Variants in BRPF1 observed in about 807,000 individuals in gnomAD.
The protein encoded by BRPF1 is peregrin.
In BRPF1, 15 loss-of-function variants were observed where a neutral mutation model predicts 115.0. That is an observed-to-expected ratio of 0.13 (90% CI 0.09 to 0.20). BRPF1 has a LOEUF of 0.20. Among genes scored for constraint, BRPF1 ranks in the 10% least tolerant of loss-of-function variants. The pLI is 1.00. For missense variants in BRPF1, 1,118 were observed against 1,638.3 expected, an observed-to-expected ratio of 0.68 and a Z score of 5.48; for synonymous variants, 647 against 619.8, an observed-to-expected ratio of 1.04 and a Z score of -0.65.
Position 9,747,627 on chromosome 3 carries a change from C to CA in BRPF1, c.*281dup, listed in dbSNP as rs765886381. 5 of 343,566 alleles carry CA rather than the reference C, an allele frequency of 1.5e-5. No homozygotes were observed. Among genetic ancestry groups the CA allele is most frequent in the African/African-American group, 1.0e-4 (5 of 49,682 alleles). The allele number at this position is 343,566 out of a possible 1,614,324, so 21.3% of individuals were successfully genotyped here. ...AGCATTGTAGGGCGGGGTGGTGGGC[C>CA]AAAGTTAGGACACTGCGTAAAACAG... On this transcript the variant is annotated 3_prime_UTR_variant, in exon 14 of 14. Coordinates refer to ENST00000383829, the MANE Select transcript of BRPF1 (RefSeq NM_001003694.2). This position sits in a 1 kb window ranked among gnomAD's most constrained non-coding sequence, Gnocchi z 5.6.
Position 9,746,409 on chromosome 3 carries a change from G to A in BRPF1, c.3434G>A (p.Arg1145Gln), listed in dbSNP as rs1171539795. 9 of 1,608,392 alleles carry A rather than the reference G, an allele frequency of 5.6e-6. No homozygotes were observed. Among genetic ancestry groups the A allele is most frequent in the East Asian group, 2.2e-5 (1 of 44,610 alleles). Residue 1145 changes from arginine (R) to glutamine (Q), a missense_variant, in exon 13 of 14, where the codon CGA becomes CAA. Around this residue, in one of 10 missense-constraint regions of BRPF1, gnomAD observed 76 missense variants for 166.1 expected, o/e 0.46. Coordinates refer to ENST00000383829, the MANE Select transcript of BRPF1 (RefSeq NM_001003694.2). ...GGGGAGCAGATGACCCAGGAAGCCC[G>A]AGAGCATCTCTACCTCGTCCTCTTC... is the stretch of plus-strand genomic sequence containing the variant. The part of the protein sequence containing the change: ...KLGEQMTQEA[R>Q]EHLYLVLFFD...
rs967765502 is a variant in BRPF1, at chr3:9,744,450, C to G, written c.2862C>G (p.Pro954=). 8 of 1,594,534 alleles carry G rather than the reference C, an allele frequency of 5.0e-6. No individual in the cohort carries two copies. Among genetic ancestry groups the G allele is most frequent in the Admixed American group, 1.8e-5 (1 of 55,864 alleles). Residue 954 remains proline, a synonymous_variant, in exon 9 of 14, where the codon CCC becomes CCG. Coordinates refer to ENST00000383829, the MANE Select transcript of BRPF1 (RefSeq NM_001003694.2). ...GTCAGCGCAAGCGGGGTAGGAGCCC[C>G]CGGCCCAGTTCGAGCTCAGACAGCG... ...SLRQRKRGRS[P]RPSSSSDSDS...
intron 6 of BRPF1, chr3:9,742,476 G>T: frequency 1.1e-5 from 11 of 985,408 alleles, no homozygotes; most frequent in Non-Finnish European, 1.2e-5. Flanking sequence ...ACTTTAGAAG[G>T]CTCAGCACCT....
intron 2 of BRPF1, among the ~76,000 whole-genome samples, chr3:9,735,698 T>C (rs2125493489): frequency 6.6e-6 from 1 of 152,280 alleles, no homozygotes; most frequent in Admixed American, 6.5e-5. Context: ...CCAGTGGCCC[T>C]TTTATTTTTG....
At position 9,747,327 on chromosome 3, in the gene BRPF1, G is replaced by A; in HGVS notation, c.3641G>A (p.Ser1214Asn). ...AGCAAGGTGCAAGGCGAGCAGAGCA[G>A]TGAGACCAGCGATAGTGATTGATAC... ...HRSKVQGEQS[S>N]ETSDSD The change falls in exon 14 of 14, where the codon AGT becomes AAT. Residue 1214 changes from serine to asparagine, a missense_variant. Physicochemically the swap from Ser to Asn is conservative, Grantham distance 46. Transcript: ENST00000383829. This position sits in a 1 kb window ranked among gnomAD's most constrained non-coding sequence, Gnocchi z 5.6. The A allele has an allele frequency of 1.9e-6, 3 of 1,614,146 alleles. No homozygotes were observed. The highest frequency in any genetic ancestry group is 2.5e-6 in the Non-Finnish European group (3 of 1,180,022).
Position 9,743,539 on chromosome 3 carries a change from G to C in BRPF1, c.2312-39G>C. ...CCAGGTTCAAGGGGCCCTGAGGGCT[G>C]CCCTGAGTCTGACCTTTCCCCTCCA... On this transcript the variant is annotated intron_variant, in intron 7 of 13. Transcript: ENST00000383829. The surrounding 1 kb of genome is among the most constrained non-coding windows in gnomAD (Gnocchi z 6.1). The C allele has an allele frequency of 1.3e-6, 2 of 1,584,708 alleles. No individual in the cohort carries two copies. The highest frequency in any genetic ancestry group is 1.7e-6 in the Non-Finnish European group (2 of 1,163,410).
In BRPF1 at chr3:9,747,450, G is replaced by C. The variant is rs2077147828; in HGVS notation, c.*101G>C. 6.9e-7 allele frequency: 1 copy of C among 1,440,468 alleles called. No individual in the cohort carries two copies. Among genetic ancestry groups the C allele is most frequent in the South Asian group, 1.3e-5 (1 of 77,226 alleles). The allele number at this position is 1,440,468 out of a possible 1,614,324, so 89.2% of individuals were successfully genotyped here. ...CCGGCCTCTGCACTGACTCATTTCT[G>C]GTCTTGGGGCCAGTCTCAGGGGAAG... On this transcript the variant is annotated 3_prime_UTR_variant, in exon 14 of 14. Transcript: ENST00000383829. This position sits in a 1 kb window ranked among gnomAD's most constrained non-coding sequence, Gnocchi z 5.6.
At position 9,746,058 on chromosome 3, in the gene BRPF1, G is replaced by T. The variant is rs373879810; in HGVS notation, c.3324+128G>T. ...TCTTGGTAAGGTAGACTGGTGGGCA[G>T]ATACAGCTTGAGTACCACTTAGAGG... On this transcript the variant is annotated intron_variant, in intron 12 of 13. Transcript: ENST00000383829. 39 of 1,149,068 alleles carry T rather than the reference G, an allele frequency of 3.4e-5. No homozygotes were observed. In the African/African-American group the frequency reaches 5.7e-4, roughly 17 times the overall value. The allele number at this position is 1,149,068 out of a possible 1,614,324, so 71.2% of individuals were successfully genotyped here. A position where few individuals can be genotyped will look rare whatever the true frequency, so the allele number is the denominator to read the frequency against.
chr3:9,745,609 C>G lies in BRPF1; in HGVS notation c.3105C>G (p.Ser1035=), dbSNP rs1163204381. ...CAAAACAAGGCCGGGGCAAACCCTC[C>G]TTCTCTCGGGGCACTTTCCCAGAGG... ...TPSKQGRGKP[S]FSRGTFPEDS... Residue 1035 remains serine (S), a synonymous_variant, in exon 11 of 14, where the codon TCC becomes TCG. Coordinates refer to ENST00000383829, the MANE Select transcript of BRPF1 (RefSeq NM_001003694.2). This position sits in a 1 kb window ranked among gnomAD's most constrained non-coding sequence, Gnocchi z 5.1. The G allele has an allele frequency of 6.2e-7, 1 of 1,614,036 alleles. No individual in the cohort carries two copies. The highest frequency in any genetic ancestry group is 8.5e-7 in the Non-Finnish European group (1 of 1,179,986).
Position 9,743,682 on chromosome 3 carries a change from A to C in BRPF1, c.2416A>C (p.Lys806Gln), listed in dbSNP as rs752382263. The C allele has an allele frequency of 6.2e-7, 1 of 1,614,198 alleles. No homozygotes were observed. Among genetic ancestry groups the C allele is most frequent in the Non-Finnish European group, 8.5e-7 (1 of 1,180,038 alleles). Reference sequence around the variant, plus strand: ...GCGGCTGGACGAAGTGAATGCCAGCAAGCAGAGTGTGGGCCGCTCACGGCG... The same window carrying C: ...GCGGCTGGACGAAGTGAATGCCAGCCAGCAGAGTGTGGGCCGCTCACGGCG... ...LERLDEVNAS[K>Q]QSVGRSRRAK... is the part of the protein sequence containing the mutation. The change falls in exon 8 of 14, where the codon AAG becomes CAG. Residue 806 changes from lysine to glutamine, a missense_variant. By Grantham distance (53) the Lys-to-Gln change is moderately conservative (BLOSUM62 1). Transcript: ENST00000383829. The surrounding 1 kb of genome is among the most constrained non-coding windows in gnomAD (Gnocchi z 6.1).
At chr3:9,746,567 G>A in intron 13 of BRPF1, 113 bp downstream of exon 13, 6 of 1,293,702 alleles carry the variant, frequency 4.6e-6, no homozygotes, top group Non-Finnish European at 5.1e-6. Context: ...TCACAAGTCA[G>A]TGGGGGAGGG....
chr3:9,735,277 T>C (rs2076921523), intron 2 of BRPF1, among the ~76,000 whole-genome samples: 1 of 152,160 alleles, frequency 6.6e-6, no homozygotes, highest in South Asian at 2.1e-4. Context: ...CCTCCCAAAG[T>C]GCTGGGATTA....
At position 9,739,215 on chromosome 3, in the gene BRPF1, G is replaced by A; in HGVS notation, c.816G>A (p.Glu272=). 1 of 1,613,646 alleles carries A rather than the reference G, an allele frequency of 6.2e-7. No homozygotes were observed. Among genetic ancestry groups the A allele is most frequent in the Non-Finnish European group, 8.5e-7 (1 of 1,179,632 alleles). The part of the protein sequence containing the change: ...NKGDPNALVD[E]DAVCCICNDG... ...GCGACCCTAATGCGCTAGTGGACGA[G>A]GATGCTGTTTGCTGTATCTGCAATG... The change falls in exon 3 of 14, where the codon GAG becomes GAA. Residue 272 remains glutamate, a synonymous_variant. Transcript: ENST00000383829.
At chr3:9,736,132 C>T (rs1378611586) in intron 2 of BRPF1, among the ~76,000 whole-genome samples, 1 of 150,640 alleles carries the variant, frequency 6.6e-6, no homozygotes, top group Admixed American at 6.7e-5. Context: ...CTCAGCCTCC[C>T]GAGTAGCTGG....
Position 9,739,030 on chromosome 3 carries a change from G to A in BRPF1, c.631G>A (p.Glu211Lys), listed in dbSNP as rs2076987208. 1 of 1,591,740 alleles carries A rather than the reference G, an allele frequency of 6.3e-7. No individual in the cohort carries two copies. Among genetic ancestry groups the A allele is most frequent in the Non-Finnish European group, 8.6e-7 (1 of 1,166,170 alleles). ...YIEKSAEELD[E>K]EVEYDMDEED... is the part of the protein sequence containing the mutation. ...CGAGAAGTCTGCAGAGGAGCTGGACGAGGAAGTAGAGTATGACATGGACGA... is the reference window on the plus strand; with the variant it reads ...CGAGAAGTCTGCAGAGGAGCTGGACAAGGAAGTAGAGTATGACATGGACGA... The change falls in exon 3 of 14, where the codon GAG becomes AAG. Residue 211 changes from glutamate to lysine, a missense_variant. By Grantham distance (56) the Glu-to-Lys change is moderately conservative. Around this residue, in one of 10 missense-constraint regions of BRPF1, gnomAD observed 280 missense variants for 382.8 expected, o/e 0.73. Transcript: ENST00000383829.
chr3:9,742,636 G>A (rs2077050500), intron 6 of BRPF1: 1 of 801,804 alleles, frequency 1.2e-6, no homozygotes, highest in Middle Eastern at 6.3e-4. Context: ...ATTTTCAGAG[G>A]AGTCCCCAAG....
At chr3:9,741,199 T>G in intron 4 of BRPF1, 109 bp from the exon 5 acceptor site, 1 of 1,358,180 alleles carries the variant, frequency 7.4e-7, no homozygotes, top group Non-Finnish European at 1.0e-6. Context: ...ACCAATAAAT[T>G]ACTGTGCTCC....
Position 9,743,085 on chromosome 3 carries a change from G to A in BRPF1, c.2143G>A (p.Ala715Thr), listed in dbSNP as rs375326393. Reference protein sequence around the residue: ...LIVSNCLKYNAKDTIFYRAAV... With the variant: ...LIVSNCLKYNTKDTIFYRAAV... ...CGTCAGCAACTGCCTCAAGTATAAC[G>A]CCAAGGACACCATCTTCTACCGGGC... Residue 715 changes from alanine (A) to threonine (T), a missense_variant, in exon 7 of 14, where the codon GCC becomes ACC. Transcript: ENST00000383829. The surrounding 1 kb of genome is among the most constrained non-coding windows in gnomAD (Gnocchi z 6.1). 1.9e-5 allele frequency: 30 copies of A among 1,614,098 alleles called. No individual in the cohort carries two copies. Among genetic ancestry groups the A allele is most frequent in the Non-Finnish European group, 2.5e-5 (30 of 1,180,058 alleles).
Position 9,734,861 on chromosome 3 carries a change from T to G in BRPF1, c.599+122T>G, listed in dbSNP as rs1010291346. On this transcript the variant is annotated intron_variant, in intron 2 of 13. Transcript: ENST00000383829. This position sits in a 1 kb window ranked among gnomAD's most constrained non-coding sequence, Gnocchi z 5.7. Reference sequence around the variant, plus strand: ...TAAAGAATAGTGAAAGAACACTGATTTTGCCAGGGCAGTGAGTGGAATGGT... The same window carrying G: ...TAAAGAATAGTGAAAGAACACTGATGTTGCCAGGGCAGTGAGTGGAATGGT... 4.6e-6 allele frequency: 6 copies of G among 1,301,658 alleles called. No individual in the cohort carries two copies. In the African/African-American group the frequency reaches 8.8e-5, roughly 19 times the overall value. The allele number at this position is 1,301,658 out of a possible 1,614,324, so 80.6% of individuals were successfully genotyped here. A position where few individuals can be genotyped will look rare whatever the true frequency, so the allele number is the denominator to read the frequency against.
Sources: gnomAD v4.1 joint callset for allele counts (sites outside exome capture counted in the v4.1 genomes callset) on GRCh38, gnomAD v4.1.1 for gene constraint, gnomAD v4.1.1 regional missense constraint, Gnocchi (gnomAD v3.1) non-coding constraint, MANE v1.5 for transcripts, NCBI Gene and HGNC (gene_info 2026-07-23, HGNC 2026-07-21) for gene names.